The following CTBP2 variants were observed in gnomAD, a reference collection of about 807,000 sequenced individuals.
CTBP2 encodes C-terminal-binding protein 2.
In CTBP2, 30 loss-of-function variants were observed where a neutral mutation model predicts 80.3. That is an observed-to-expected ratio of 0.37 (90% confidence interval 0.28 to 0.51). The LOEUF is 0.51. Among genes scored for constraint, CTBP2 ranks in the 20% least tolerant of loss-of-function variants. The pLI is 0.93. For synonymous variants in CTBP2, 594 were observed against 587.4 expected (o/e 1.01, Z -0.16); for missense variants, 1,212 against 1,375.3 (o/e 0.88, Z 1.88).
At chr10:125,040,110 CT>C (rs1482577719) in intron 2 of CTBP2, among the ~76,000 whole-genome samples, 1 of 152,150 alleles carries the variant, frequency 6.6e-6, no homozygotes, top group Non-Finnish European at 1.5e-5. Context: ...AATATCCCAG[CT>C]TTTAAGTCAC....
intron 2 of CTBP2, among the ~76,000 whole-genome samples, chr10:125,039,940 T>A (rs981643213): frequency 1.3e-5 from 2 of 152,026 alleles, no homozygotes; most frequent in South Asian, 2.1e-4. Context: ...GTCTCCCATG[T>A]GGTTTGGGGT....
At chr10:125,075,045 G>C (rs1846071476) in intron 2 of CTBP2, among the ~76,000 whole-genome samples, 1 of 152,194 alleles carries the variant, frequency 6.6e-6, no homozygotes, top group African/African-American at 2.4e-5. Flanking sequence ...AAACAAAGGA[G>C]AATGTCCTAA....
intron 2 of CTBP2, among the ~76,000 whole-genome samples, chr10:125,051,811 G>A (rs1034328975): frequency 9.2e-5 from 14 of 152,042 alleles, no homozygotes; most frequent in East Asian, 1.9e-4. Flanking sequence ...TCGTTACAGC[G>A]GCAATCAAAT....
chr10:125,024,136 A>G (rs1191876816), intron 1 of CTBP2, among the ~76,000 whole-genome samples: 1 of 152,214 alleles, frequency 6.6e-6, no homozygotes, highest in Admixed American at 6.5e-5. Context: ...GACAGATCCA[A>G]ATGTGACTGC....
rs1385685031 is a variant in CTBP2, at chr10:124,988,128, GATA to G, written c.*1387_*1389del. Reference sequence around the variant, plus strand: ...TTGCATCTTAAGGATGGCATGACGTGATAATGATGGACTTGTGTGAGGTTTTGA... The same window carrying G: ...TTGCATCTTAAGGATGGCATGACGTGATGATGGACTTGTGTGAGGTTTTGA... On this transcript the variant is annotated 3_prime_UTR_variant, in exon 9 of 9. Transcript: ENST00000309035. 1.6e-4 allele frequency: 24 copies of G among 152,656 alleles called. No individual in the cohort carries two copies. The highest frequency in any genetic ancestry group is 4.6e-4 in the African/African-American group (19 of 41,550). The allele number at this position is 152,656 out of a possible 1,614,324, so 9.5% of individuals were successfully genotyped here.
chr10:125,024,423 C>T (rs1028653863), intron 1 of CTBP2, among the ~76,000 whole-genome samples: 1 of 152,204 alleles, frequency 6.6e-6, no homozygotes, highest in East Asian at 1.9e-4. Context: ...TGTAAAACAT[C>T]GTGTTAGCAA....
rs577072696 is a variant in CTBP2 at position 125,033,482 on chromosome 10, A to G, written c.58+5515T>C. On this transcript the variant is annotated intron_variant, in intron 3 of 10. Coordinates refer to the CTBP2 transcript ENST00000337195. ...AGCTTTAACACTGTACGTTCTGGAA[A>G]AGGAGAGAGGGCAAGAAGCCGGCAG... is the stretch of plus-strand genomic sequence containing the variant. Among the ~76,000 whole-genome samples, 330 of 152,338 alleles carry G rather than the reference A, an allele frequency of 2.2e-3. 2 individuals carry two copies. Among genetic ancestry groups the G allele is most frequent in the African/African-American group, 7.2e-3 (298 of 41,590 alleles).
At chr10:125,098,774 G>GAGAGAGAGAGAGAGAC (rs1564915121) in intron 2 of CTBP2, among the ~76,000 whole-genome samples, 15 of 142,130 alleles carry the variant, frequency 1.1e-4, no homozygotes, top group African/African-American at 3.0e-4. Context: ...GAGAGAGAGA[G>GAGAGAGAGAGAGAGAC]AGAGACAGAG....
chr10:125,133,242 G>C (rs1856458210), intron 1 of CTBP2, among the ~76,000 whole-genome samples: 1 of 152,184 alleles, frequency 6.6e-6, no homozygotes, highest in South Asian at 2.1e-4. Context: ...CTTGCCCATA[G>C]CCTCCATCTC....
intron 2 of CTBP2, among the ~76,000 whole-genome samples, chr10:125,045,198 G>A (rs1225520509): frequency 2.6e-5 from 4 of 152,090 alleles, no homozygotes; most frequent in Non-Finnish European, 5.9e-5. Flanking sequence ...GATACAGCCA[G>A]GAGGTCTACA....
At chr10:125,155,596 T>C (rs985716545) in intron 1 of CTBP2, among the ~76,000 whole-genome samples, 11 of 151,994 alleles carry the variant, frequency 7.2e-5, no homozygotes, top group Non-Finnish European at 1.2e-4. Flanking sequence ...CATTAAATCA[T>C]GATCAAAAGG....
At chr10:125,055,050 G>C (rs1188080768) in intron 2 of CTBP2, among the ~76,000 whole-genome samples, 1 of 152,114 alleles carries the variant, frequency 6.6e-6, no homozygotes, top group Non-Finnish European at 1.5e-5. Flanking sequence ...CCATAAATCT[G>C]GGGAACATTA....
chr10:125,017,555 T>G (rs1221512265), intron 1 of CTBP2, among the ~76,000 whole-genome samples: 1 of 152,234 alleles, frequency 6.6e-6, no homozygotes, highest in Non-Finnish European at 1.5e-5. Flanking sequence ...TTTACCCTTG[T>G]GTGTGTTACA....
chr10:125,074,597 C>T (rs1238969578), intron 2 of CTBP2, among the ~76,000 whole-genome samples: 1 of 152,188 alleles, frequency 6.6e-6, no homozygotes, highest in Non-Finnish European at 1.5e-5. Flanking sequence ...CCGCCCGCCT[C>T]GGCCTCCCAA....
chr10:125,156,539 G>A (rs572829947), intron 1 of CTBP2, among the ~76,000 whole-genome samples: 6 of 152,166 alleles, frequency 3.9e-5, no homozygotes, highest in Non-Finnish European at 8.8e-5. Context: ...TCACTCAGAG[G>A]TGTCCTTTTC....
chr10:125,065,865 T>C (rs1844537923), intron 2 of CTBP2, among the ~76,000 whole-genome samples: 1 of 152,136 alleles, frequency 6.6e-6, no homozygotes. Context: ...TTTGGGAGGC[T>C]GAGGTGGGCG....
chr10:125,026,748 G>A lies in CTBP2; in HGVS notation c.1012C>T (p.Gln338Ter). 1.2e-6 allele frequency: 2 copies of A among 1,613,046 alleles called. No individual in the cohort carries two copies. ...GCCAGGCGGCTCAGAACACGGGCCT[G>A]GCCCAGGTTGGGTGCGACAGACTTG... The change falls in exon 1 of 9, where the codon CAG becomes TAG. Residue 338 changes from glutamine to a stop codon, truncating the protein, a stop_gained. Transcript: ENST00000309035. LOFTEE classifies it high-confidence loss of function.
rs999029904 is a variant in CTBP2, at chr10:124,987,557, C to T, written c.*1961G>A. On this transcript the variant is annotated 3_prime_UTR_variant, in exon 9 of 9. Coordinates refer to ENST00000309035, the MANE Select transcript of CTBP2 (RefSeq NM_022802.3). ...CCTTTTCACGCATATTTCATTGCCT[C>T]TTTGATGAGTGGTTACGAAGACGTT... 1.3e-5 allele frequency: 2 copies of T among 152,132 alleles called. No individual in the cohort carries two copies. Among genetic ancestry groups the T allele is most frequent in the African/African-American group, 2.4e-5 (1 of 41,436 alleles). The allele number at this position is 152,132 out of a possible 1,614,324, so 9.4% of individuals were successfully genotyped here.
intron 2 of CTBP2, among the ~76,000 whole-genome samples, chr10:125,079,959 C>T (rs879761093): frequency 3.9e-5 from 6 of 152,198 alleles, no homozygotes; most frequent in Admixed American, 1.3e-4. Context: ...TAAACAGAGT[C>T]GGCTCACCCT....
Sources: allele counts gnomAD v4.1 joint callset (sites outside exome capture counted in the v4.1 genomes callset), GRCh38; gene constraint gnomAD v4.1.1; transcripts MANE v1.5; gene names NCBI Gene and HGNC (gene_info 2026-07-23, HGNC 2026-07-21).